Variants in ERC1 observed in about 807,000 individuals in gnomAD.
ERC1 encodes RAB6 interacting protein 2.
In ERC1, 56 loss-of-function variants were observed where a neutral mutation model predicts 132.0. The ratio of observed to expected loss-of-function variants is 0.42; its 90% confidence interval spans 0.34 to 0.53. The LOEUF is 0.53. Among genes scored for constraint, ERC1 ranks in the 20% least tolerant of loss-of-function variants. The pLI, the probability that ERC1 is intolerant of heterozygous loss-of-function variation, is 0.03. For missense variants in ERC1, 1,202 were observed against 1,349.9 expected, an observed-to-expected ratio of 0.89 and a Z score of 1.72; for synonymous variants, 478 against 476.1, an observed-to-expected ratio of 1.00 and a Z score of -0.05.
intron 8 of ERC1, among the ~76,000 whole-genome samples, chr12:1,146,270 G>A (rs932153784): frequency 8.4e-6 from 1 of 118,588 alleles, no homozygotes; most frequent in Non-Finnish European, 1.7e-5. Flanking sequence ...AGTTTTCCTT[G>A]TAGAGGTCTT....
At chr12:1,024,991 G>C (rs1340635096) in intron 1 of ERC1, among the ~76,000 whole-genome samples, 4 of 152,094 alleles carry the variant, frequency 2.6e-5, no homozygotes, top group Non-Finnish European at 5.9e-5. Flanking sequence ...TTTAAAGTAT[G>C]CTGGAGGATA....
intron 17 of ERC1, among the ~76,000 whole-genome samples, chr12:1,434,053 A>C (rs74059526): frequency 0.018 from 2,677 of 151,414 alleles, 77 homozygotes; most frequent in African/African-American, 0.061. Context: ...ACAAGAGCAG[A>C]TTAACATGGT....
At chr12:1,182,151 A>G (rs1954549888) in intron 10 of ERC1, 86 bp downstream of exon 10, 13 of 1,296,452 alleles carry the variant, frequency 1.0e-5, no homozygotes, top group African/African-American at 3.0e-5. Flanking sequence ...CATATAAAAA[A>G]GTATTCGATG....
At chr12:1,218,745 A>T (rs544482994) in intron 12 of ERC1, among the ~76,000 whole-genome samples, 215 of 150,952 alleles carry the variant, frequency 1.4e-3, no homozygotes, top group African/African-American at 5.0e-3. Context: ...TTCACCTGTC[A>T]TTCCTTTTGT....
chr12:1,421,365 T>A (rs941907050), intron 17 of ERC1, among the ~76,000 whole-genome samples: 2 of 152,158 alleles, frequency 1.3e-5, no homozygotes, highest in Admixed American at 6.5e-5. Context: ...TTCTCAAATC[T>A]TCCTCCCCAA....
chr12:1,154,500 C>G (rs373004206), intron 8 of ERC1, among the ~76,000 whole-genome samples: 3 of 151,944 alleles, frequency 2.0e-5, no homozygotes, highest in African/African-American at 2.4e-5. Flanking sequence ...AACATTGGCT[C>G]AGGCGAAGGA....
intron 2 of ERC1, among the ~76,000 whole-genome samples, chr12:1,065,797 C>T (rs1052635419): frequency 6.6e-6 from 1 of 152,024 alleles, no homozygotes; most frequent in African/African-American, 2.4e-5. Flanking sequence ...GGCTGGATAA[C>T]GTGCTTTGGC....
chr12:1,299,337 C>A (rs10734998), intron 15 of ERC1, among the ~76,000 whole-genome samples: 1 of 152,196 alleles, frequency 6.6e-6, no homozygotes, highest in Non-Finnish European at 1.5e-5. Context: ...TCTCTAACCA[C>A]AGTAGAATTC....
intron 7 of ERC1, among the ~76,000 whole-genome samples, chr12:1,138,297 AAT>A (rs1468489907): frequency 7.2e-6 from 1 of 138,156 alleles, no homozygotes; most frequent in Non-Finnish European, 1.5e-5. Flanking sequence ...TATATTATAT[AAT>A]ATATGTTGTA....
chr12:1,010,489 A>G (rs1474305410), intron 1 of ERC1, among the ~76,000 whole-genome samples: 1 of 146,204 alleles, frequency 6.8e-6, no homozygotes, highest in Admixed American at 6.9e-5. Context: ...CCAAAAAAAA[A>G]AAAAAGAGAA....
At chr12:1,367,348 G>C (rs548679468) in intron 15 of ERC1, among the ~76,000 whole-genome samples, 1 of 152,100 alleles carries the variant, frequency 6.6e-6, no homozygotes. Context: ...GATGTTTTCA[G>C]TATGATAGAA....
At chr12:1,047,175 T>C (rs1971202365) in intron 2 of ERC1, among the ~76,000 whole-genome samples, 1 of 152,234 alleles carries the variant, frequency 6.6e-6, no homozygotes, top group African/African-American at 2.4e-5. Flanking sequence ...GAGTTCATTT[T>C]TGGTATAATT....
At position 1,305,681 on chromosome 12, in the gene ERC1, A is replaced by G. The variant is rs115584405; in HGVS notation, c.2780+15669A>G. Among the ~76,000 whole-genome samples, 865 of 152,272 alleles carry G rather than the reference A, an allele frequency of 5.7e-3. 10 individuals carry two copies. The highest frequency in any genetic ancestry group is 0.02 in the African/African-American group (817 of 41,546). Reference sequence around the variant, plus strand: ...GGAGGGTCATGTTGGGTTCCTTCACAATATTTATCACAAGTACAAGTTCCA... The same window carrying G: ...GGAGGGTCATGTTGGGTTCCTTCACGATATTTATCACAAGTACAAGTTCCA... On this transcript the variant is annotated intron_variant, in intron 15 of 18. Coordinates refer to ENST00000360905, the MANE Select transcript of ERC1 (RefSeq NM_178040.4).
chr12:1,053,730 A>T (rs2154170375), intron 2 of ERC1, among the ~76,000 whole-genome samples: 1 of 152,186 alleles, frequency 6.6e-6, no homozygotes, highest in East Asian at 1.9e-4. Context: ...CATTAACTAA[A>T]CTTTAAGAAA....
intron 5 of ERC1, among the ~76,000 whole-genome samples, chr12:1,111,422 C>T (rs774759441): frequency 5.3e-5 from 8 of 152,058 alleles, no homozygotes; most frequent in Non-Finnish European, 7.3e-5. Flanking sequence ...AAATGAAACC[C>T]GCAACATCCC....
At chr12:1,194,428 GAATAA>G (rs1203978012) in intron 12 of ERC1, among the ~76,000 whole-genome samples, 13 of 151,796 alleles carry the variant, frequency 8.6e-5, no homozygotes, top group Admixed American at 2.0e-4. Flanking sequence ...CTCAAAAAAT[GAATAA>G]AATAAAATAA....
chr12:1,314,297 G>T (rs934214248), intron 15 of ERC1, among the ~76,000 whole-genome samples: 2 of 152,036 alleles, frequency 1.3e-5, no homozygotes, highest in African/African-American at 2.4e-5. Context: ...AACTATACAC[G>T]CAGATGACTA....
intron 15 of ERC1, among the ~76,000 whole-genome samples, chr12:1,318,383 G>A (rs771915793): frequency 2.1e-4 from 32 of 152,044 alleles, no homozygotes; most frequent in Non-Finnish European, 3.5e-4. Flanking sequence ...TTTTGTACCC[G>A]TACTCTGAAA....
chr12:1,276,210 C>G (rs2078249331), intron 14 of ERC1, among the ~76,000 whole-genome samples: 1 of 151,542 alleles, frequency 6.6e-6, no homozygotes, highest in Non-Finnish European at 1.5e-5. Flanking sequence ...TTACATGTCT[C>G]TCTCATGTTT....
Sources: gnomAD v4.1 joint callset for allele counts (sites outside exome capture counted in the v4.1 genomes callset) on GRCh38, gnomAD v4.1.1 for gene constraint, MANE v1.5 for transcripts, NCBI Gene and HGNC (gene_info 2026-07-23, HGNC 2026-07-21) for gene names.